The following CNGA1 variants were observed in gnomAD, a reference collection of about 807,000 sequenced individuals.
CNGA1 encodes the protein cyclic nucleotide gated channel subunit alpha 1.
In CNGA1, 53 loss-of-function variants were observed where a neutral mutation model predicts 69.7. The observed-to-expected ratio is 0.76, with a 90% CI of 0.61 to 0.96. The LOEUF (loss-of-function observed/expected upper bound fraction) is 0.96, where lower values mean the gene tolerates loss of function less well. Ranked by LOEUF, CNGA1 falls within the 40% of genes least tolerant of loss-of-function variation. The pLI, the probability that CNGA1 is intolerant of heterozygous loss-of-function variation, is 0.00. For missense variants in CNGA1, 739 were observed against 811.2 expected, an observed-to-expected ratio of 0.91 and a Z score of 1.08; for synonymous variants, 249 against 283.5, an observed-to-expected ratio of 0.88 and a Z score of 1.22.
chr4:48,016,552 G>A lies in CNGA1; in HGVS notation c.-292C>T, dbSNP rs1224556799. 3 of 475,526 alleles carry A rather than the reference G, an allele frequency of 6.3e-6. No homozygotes were observed. Among genetic ancestry groups the A allele is most frequent in the Non-Finnish European group, 1.1e-5 (3 of 271,276 alleles). 29.5% of individuals were successfully genotyped at this position (475,526 alleles called of 1,614,324 possible). ...CGTGTCTGTGTTTCTCTAGTTCGCG[G>A]CTCCAGCAGTCGCGCCAAGGGGCAG... On this transcript the variant is annotated 5_prime_UTR_variant, in exon 1 of 11. Transcript: ENST00000514170.
intron 3 of CNGA1, among the ~76,000 whole-genome samples, chr4:47,977,060 G>T (rs1741453338): frequency 6.6e-6 from 1 of 152,212 alleles, no homozygotes; most frequent in Non-Finnish European, 1.5e-5. Flanking sequence ...TGTGTAAAAG[G>T]TAAAGAATGA....
At chr4:48,008,962 G>A (rs1715034165) in intron 2 of CNGA1, among the ~76,000 whole-genome samples, 1 of 151,018 alleles carries the variant, frequency 6.6e-6, no homozygotes, top group Admixed American at 6.7e-5. Flanking sequence ...TAAACCAATA[G>A]CAATGTCTTA....
chr4:48,008,218 C>T (rs1304615039), intron 2 of CNGA1, among the ~76,000 whole-genome samples: 2 of 151,960 alleles, frequency 1.3e-5, no homozygotes, highest in Non-Finnish European at 2.9e-5. Context: ...TGTGACTTAC[C>T]CAGACCATTC....
chr4:47,937,931 T>A lies in CNGA1; in HGVS notation c.653-102A>T, dbSNP rs554349072. ...AACTTTGTTGAGGTCAACAGAAAAA[T>A]TCATTTTCAATAAATATGCCTTTAA... On this transcript the variant is annotated intron_variant, in intron 10 of 10. Transcript: ENST00000514170. The A allele has an allele frequency of 1.8e-4, 153 of 833,014 alleles. 2 individuals are homozygous for A. The South Asian group carries it at 2.3e-3, about 12-fold the overall frequency. The allele number at this position is 833,014 out of a possible 1,614,324, so 51.6% of individuals were successfully genotyped here.
intron 2 of CNGA1, among the ~76,000 whole-genome samples, chr4:48,000,069 T>C (rs574360578): frequency 2.1e-4 from 32 of 151,760 alleles, no homozygotes; most frequent in Non-Finnish European, 4.4e-4. Flanking sequence ...GAATAGAAAA[T>C]GTAGATGATA....
intron 2 of CNGA1, among the ~76,000 whole-genome samples, chr4:48,003,238 A>G (rs2119206): frequency 0.33 from 50,825 of 152,084 alleles, 10,390 homozygotes; most frequent in Non-Finnish European, 0.45. Flanking sequence ...GGGGGCTTTC[A>G]GGTCATAGGT....
intron 3 of CNGA1, among the ~76,000 whole-genome samples, chr4:47,969,165 C>T (rs1578096197): frequency 6.6e-6 from 1 of 151,986 alleles, no homozygotes; most frequent in Non-Finnish European, 1.5e-5. Flanking sequence ...CTCATTAATC[C>T]TCTTCCTATA....
At chr4:47,949,686 C>A in intron 6 of CNGA1, 147 bp downstream of exon 6, 1 of 645,188 alleles carries the variant, frequency 1.5e-6, no homozygotes, top group Non-Finnish European at 2.7e-6. Context: ...CACTACTTTT[C>A]AACAAAATGA....
At chr4:47,971,371 T>A (rs1366202825) in intron 3 of CNGA1, among the ~76,000 whole-genome samples, 3 of 152,066 alleles carry the variant, frequency 2.0e-5, no homozygotes, top group Non-Finnish European at 2.9e-5. Flanking sequence ...GTAAATTAAT[T>A]ACTTAGTGAA....
At position 47,992,652 on chromosome 4, in the gene CNGA1, C is replaced by CATT. The variant is rs1553870311; in HGVS notation, c.-122-11155_-122-11153dup. Among the ~76,000 whole-genome samples the CATT allele has an allele frequency of 5.4e-3, 640 of 118,782 alleles. 5 individuals carry two copies. Among genetic ancestry groups the CATT allele is most frequent in the Non-Finnish European group, 7.5e-3 (389 of 52,064 alleles). 77.9% of individuals were successfully genotyped at this position (118,782 alleles called of 152,430 possible). A position where few individuals can be genotyped will look rare whatever the true frequency, so the allele number is the denominator to read the frequency against. On this transcript the variant is annotated intron_variant, in intron 2 of 10. Transcript: ENST00000514170. ...ACTTCATCTTTACTGATTTGGATGC[C>CATT]ATTTATTATTTATTTATTTATTTAT...
At chr4:47,956,715 C>A (rs765591103) in intron 3 of CNGA1, among the ~76,000 whole-genome samples, 1 of 151,676 alleles carries the variant, frequency 6.6e-6, no homozygotes, top group Non-Finnish European at 1.5e-5. Context: ...AAGGACAGAA[C>A]GGGAAATGTG....
intron 3 of CNGA1, among the ~76,000 whole-genome samples, chr4:47,975,611 G>A (rs2110206055): frequency 6.6e-6 from 1 of 152,174 alleles, no homozygotes; most frequent in South Asian, 2.1e-4. Context: ...ATAATTAAGA[G>A]CAAGAATTCT....
intron 3 of CNGA1, among the ~76,000 whole-genome samples, chr4:47,974,249 C>T (rs1277012488): frequency 4.6e-5 from 7 of 152,122 alleles, no homozygotes; most frequent in Admixed American, 1.3e-4. Context: ...AACTAATAAG[C>T]ACTTTAATGT....
intron 2 of CNGA1, among the ~76,000 whole-genome samples, chr4:47,988,942 G>A (rs756848775): frequency 6.6e-6 from 1 of 151,572 alleles, no homozygotes; most frequent in Non-Finnish European, 1.5e-5. Flanking sequence ...ACTTTAAATA[G>A]AATGTACAGG....
intron 10 of CNGA1, among the ~76,000 whole-genome samples, chr4:47,939,287 G>T (rs996164607): frequency 1.3e-5 from 2 of 152,142 alleles, no homozygotes; most frequent in Middle Eastern, 3.2e-3. Flanking sequence ...ATGGGGTTTG[G>T]AGCATTATCA....
At chr4:47,952,368 AAAATAAATAAAT>A (rs10665658) in intron 4 of CNGA1, among the ~76,000 whole-genome samples, 2,053 of 144,572 alleles carry the variant, frequency 0.014, 33 homozygotes, top group African/African-American at 0.045. Flanking sequence ...ACTCCATCTC[AAAATAAATAAAT>A]AAATAAATAA....
At chr4:47,985,751 T>C (rs1022259889) in intron 2 of CNGA1, among the ~76,000 whole-genome samples, 2 of 147,784 alleles carry the variant, frequency 1.4e-5, no homozygotes, top group African/African-American at 2.5e-5. Flanking sequence ...CCTTCGTCTA[T>C]CTTCCCCCAC....
intron 9 of CNGA1, among the ~76,000 whole-genome samples, chr4:47,941,412 C>T (rs1007978701): frequency 1.3e-5 from 2 of 152,094 alleles, no homozygotes; most frequent in African/African-American, 4.8e-5. Flanking sequence ...ACTATCTGTA[C>T]CCAAAACGCT....
intron 3 of CNGA1, among the ~76,000 whole-genome samples, chr4:47,961,798 T>C (rs1740456072): frequency 6.6e-6 from 1 of 152,198 alleles, no homozygotes; most frequent in Admixed American, 6.5e-5. Context: ...ACTGGAAATG[T>C]GGCTAGTGAG....
Sources: gnomAD v4.1 joint callset for allele counts (sites outside exome capture counted in the v4.1 genomes callset) on GRCh38, gnomAD v4.1.1 for gene constraint, MANE v1.5 for transcripts, NCBI Gene and HGNC (gene_info 2026-07-23, HGNC 2026-07-21) for gene names.